The following GALNT13 variants were observed in gnomAD, a reference collection of about 807,000 sequenced individuals.
GALNT13 encodes the protein polypeptide N-acetylgalactosaminyltransferase 13, also known as UDP-GalNAc:polypeptide N-acetylgalactosaminyltransferase 13.
In GALNT13, 28 loss-of-function variants were observed where a neutral mutation model predicts 64.2. The ratio of observed to expected loss-of-function variants is 0.44; its 90% CI spans 0.32 to 0.60. The LOEUF is 0.60. Ranked by LOEUF, GALNT13 falls within the 20% of genes least tolerant of loss-of-function variation. The pLI, the probability that GALNT13 is intolerant of heterozygous loss-of-function variation, is 0.05. For synonymous variants in GALNT13, 214 were observed against 224.6 expected, an observed-to-expected ratio of 0.95 and a Z score of 0.42; for missense variants, 577 against 669.8, an observed-to-expected ratio of 0.86 and a Z score of 1.53.
At chr2:153,605,543 G>A in the GALNT13 span, among the ~76,000 whole-genome samples, 31 of 151,992 alleles carry the variant, frequency 2.0e-4, no homozygotes, top group Admixed American at 9.2e-4. Context: ...TTTCTTTTTC[G>A]TCCAGATTTA....
At chr2:154,173,796 T>C (rs1255138326) in intron 4 of GALNT13, among the ~76,000 whole-genome samples, 1 of 152,162 alleles carries the variant, frequency 6.6e-6, no homozygotes, top group Non-Finnish European at 1.5e-5. Flanking sequence ...TCAACATCAC[T>C]AATCATCAGA....
intron 3 of GALNT13, among the ~76,000 whole-genome samples, chr2:154,030,327 T>G (rs1219002396): frequency 6.6e-6 from 1 of 152,138 alleles, no homozygotes; most frequent in Non-Finnish European, 1.5e-5. Flanking sequence ...TACAGTGGAC[T>G]TGTTATCAGA....
the GALNT13 span, among the ~76,000 whole-genome samples, chr2:153,160,682 G>A: frequency 2.0e-5 from 3 of 152,190 alleles, no homozygotes; most frequent in Non-Finnish European, 4.4e-5. Flanking sequence ...TAGACATCCA[G>A]ATAAGTCATG....
the GALNT13 span, among the ~76,000 whole-genome samples, chr2:153,562,274 G>A: frequency 0.49 from 74,390 of 151,672 alleles, 18,902 homozygotes; most frequent in African/African-American, 0.62. Context: ...CACTTAGTTC[G>A]TTTTTTTATC....
At chr2:153,601,395 A>G in the GALNT13 span, among the ~76,000 whole-genome samples, 1 of 151,874 alleles carries the variant, frequency 6.6e-6, no homozygotes, top group Non-Finnish European at 1.5e-5. Context: ...CTATAATAAG[A>G]AAGAACTTGT....
chr2:153,493,908 G>A, the GALNT13 span, among the ~76,000 whole-genome samples: 1 of 151,844 alleles, frequency 6.6e-6, no homozygotes. Context: ...CCTGAGATTA[G>A]GAAATTTATT....
intron 3 of GALNT13, among the ~76,000 whole-genome samples, chr2:154,049,446 G>GAT (rs35501666): frequency 0.2 from 28,598 of 145,168 alleles, 3,649 homozygotes; most frequent in Middle Eastern, 0.32. Flanking sequence ...TATTCATTGT[G>GAT]ATATATATAT....
chr2:154,346,934 G>T (rs1696100868), intron 9 of GALNT13, among the ~76,000 whole-genome samples: 1 of 151,948 alleles, frequency 6.6e-6, no homozygotes, highest in Admixed American at 6.6e-5. Flanking sequence ...AAACAACCGT[G>T]GGTTTCATGT....
chr2:154,265,803 G>C (rs564988739), intron 8 of GALNT13, among the ~76,000 whole-genome samples: 118 of 152,280 alleles, frequency 7.7e-4, no homozygotes, highest in Non-Finnish European at 1.4e-3. Context: ...ACTTGACAAA[G>C]TCATTACAAA....
chr2:153,308,713 T>C, the GALNT13 span, among the ~76,000 whole-genome samples: 1 of 152,184 alleles, frequency 6.6e-6, no homozygotes, highest in Non-Finnish European at 1.5e-5. Flanking sequence ...AGAACTAATG[T>C]TATGTTAGAA....
the GALNT13 span, among the ~76,000 whole-genome samples, chr2:153,176,104 G>A: frequency 6.6e-6 from 1 of 152,158 alleles, no homozygotes; most frequent in African/African-American, 2.4e-5. Context: ...TGAATGTTGT[G>A]AAATATTTCA....
Position 154,242,086 on chromosome 2 carries a change from T to C in GALNT13, c.368T>C (p.Phe123Ser). ...CCAAACACAAGTGTAGTCATTGTGT[T>C]TCATAATGAAGCTTGGAGCACTCTC... is the stretch of plus-strand genomic sequence containing the variant. ...ELPNTSVVIV[F>S]HNEAWSTLLR... The change falls in exon 5 of 13, where the codon TTT (phenylalanine) becomes TCT (serine). Residue 123 changes from phenylalanine to serine, a missense_variant. Phe to Ser is a radical substitution (Grantham distance 155, BLOSUM62 -2). Transcript: ENST00000392825. The C allele has an allele frequency of 6.2e-7, 1 of 1,611,224 alleles. No individual in the cohort carries two copies.
the GALNT13 span, among the ~76,000 whole-genome samples, chr2:153,371,454 T>A: frequency 1.3e-5 from 2 of 152,148 alleles, no homozygotes; most frequent in Non-Finnish European, 2.9e-5. Flanking sequence ...TTTATAGCAC[T>A]AAGAAAAGAG....
intron 11 of GALNT13, among the ~76,000 whole-genome samples, chr2:154,429,752 C>A (rs1255810286): frequency 3.9e-5 from 6 of 152,162 alleles, no homozygotes. Flanking sequence ...TGCCTAGCTT[C>A]AAAGCTTCAA....
the GALNT13 span, among the ~76,000 whole-genome samples, chr2:153,140,375 G>A: frequency 6.6e-6 from 1 of 152,000 alleles, no homozygotes; most frequent in Admixed American, 6.6e-5. Flanking sequence ...TCCAAAGGTT[G>A]TATACAACAA....
At chr2:153,363,124 C>T in the GALNT13 span, among the ~76,000 whole-genome samples, 1 of 152,046 alleles carries the variant, frequency 6.6e-6, no homozygotes, top group African/African-American at 2.4e-5. Flanking sequence ...CAACATGCTC[C>T]TGAATGACTC....
At chr2:153,465,837 G>A in the GALNT13 span, among the ~76,000 whole-genome samples, 1 of 151,916 alleles carries the variant, frequency 6.6e-6, no homozygotes, top group African/African-American at 2.4e-5. Flanking sequence ...GATGATTTTT[G>A]CACAATAAGG....
At chr2:153,474,452 C>T in the GALNT13 span, among the ~76,000 whole-genome samples, 12 of 152,158 alleles carry the variant, frequency 7.9e-5, no homozygotes, top group African/African-American at 2.9e-4. Context: ...AAATCATGGA[C>T]CATCTACCAG....
Position 154,453,294 on chromosome 2 carries a change from G to C in GALNT13, c.*2743G>C, listed in dbSNP as rs183223213. On this transcript the variant is annotated 3_prime_UTR_variant, in exon 13 of 13. Coordinates refer to ENST00000392825, the MANE Select transcript of GALNT13 (RefSeq NM_052917.4). ...ACTTCTCCCTCCGGTGGCCTTCAAGGTCCTTTATGAGTGTTACCCCTCTAC... is the reference window on the plus strand; with the variant it reads ...ACTTCTCCCTCCGGTGGCCTTCAAGCTCCTTTATGAGTGTTACCCCTCTAC... 1 of 151,750 alleles carries C rather than the reference G, an allele frequency of 6.6e-6. No individual in the cohort carries two copies. The highest frequency in any genetic ancestry group is 1.5e-5 in the Non-Finnish European group (1 of 67,950). 9.4% of individuals were successfully genotyped at this position (151,750 alleles called of 1,614,324 possible).
Sources: allele counts gnomAD v4.1 joint callset (sites outside exome capture counted in the v4.1 genomes callset), GRCh38; gene constraint gnomAD v4.1.1; transcripts MANE v1.5; gene names NCBI Gene and HGNC (gene_info 2026-07-23, HGNC 2026-07-21).